LRRFIP1: variants seen among roughly 807,000 people sequenced by gnomAD.
LRRFIP1 encodes the protein LRR binding FLII interacting protein 1.
A neutral mutation model predicts 104.4 loss-of-function variants in LRRFIP1; 62 were observed. The ratio of observed to expected loss-of-function variants is 0.59; its 90% CI spans 0.48 to 0.73. The LOEUF is 0.73. LRRFIP1 is among the 30% of genes least tolerant of loss of function. LRRFIP1 has a pLI of 0.00. For synonymous variants in LRRFIP1, 300 were observed against 299.0 expected, an observed-to-expected ratio of 1.00 and a Z score of -0.03; for missense variants, 796 against 824.5, an observed-to-expected ratio of 0.97 and a Z score of 0.42.
chr2:237,753,187 C>A (rs2058842503), intron 14 of LRRFIP1, 122 bp from the exon 15 acceptor site: 1 of 637,924 alleles, frequency 1.6e-6, no homozygotes, highest in Non-Finnish European at 2.5e-6. Flanking sequence ...TCTTCTGATC[C>A]ATTTGCTCTA....
rs2094514228 is a variant in LRRFIP1, at chr2:237,720,895, TTCTGATTTCTTCTTCATTATCCCCGTGG to T, written c.345+80_345+107del. 1.1e-5 allele frequency: 14 copies of T among 1,287,076 alleles called. 1 individual carries two copies. The South Asian group carries it at 1.7e-4, about 15-fold the overall frequency. 79.7% of individuals were successfully genotyped at this position (1,287,076 alleles called of 1,614,324 possible). A position where few individuals can be genotyped will look rare whatever the true frequency, so the allele number is the denominator to read the frequency against. The stretch of plus-strand genomic sequence containing the variant: ...AGCCCTTTACTTTCTCATCCCCGCA[TTCTGATTTCTTCTTCATTATCCCCGTGG>T]TCTGATAGTCAATATTTAACCGATG... On this transcript the variant is annotated intron_variant, in intron 6 of 23. Transcript: ENST00000308482.
chr2:237,769,780 C>T (rs2060466069), intron 19 of LRRFIP1, 163 bp from the exon 20 acceptor site: 7 of 621,426 alleles, frequency 1.1e-5, no homozygotes, highest in East Asian at 2.8e-5. Flanking sequence ...TGGCTGTGGC[C>T]TCATTCACCC....
intron 23 of LRRFIP1, among the ~76,000 whole-genome samples, chr2:237,775,424 C>T (rs1006292113): frequency 3.3e-5 from 5 of 152,178 alleles, no homozygotes; most frequent in Non-Finnish European, 7.3e-5. Flanking sequence ...CACCTCAGCC[C>T]GTGAGGCAGG....
At chr2:237,750,066 G>C (rs932249153) in intron 13 of LRRFIP1, among the ~76,000 whole-genome samples, 5 of 152,118 alleles carry the variant, frequency 3.3e-5, no homozygotes, top group African/African-American at 7.2e-5. Context: ...GAATTTTCTA[G>C]TGCTTTAAAC....
chr2:237,768,206 C>CT (rs1470815733), intron 19 of LRRFIP1: 1 of 152,170 alleles, frequency 6.6e-6, no homozygotes, highest in Non-Finnish European at 1.5e-5. Context: ...TCTTCAAACT[C>CT]TTTCGTTCTT....
rs1289218730 is a variant in LRRFIP1 at position 237,749,181 on chromosome 2, A to G, written c.670-18A>G. The G allele has an allele frequency of 6.2e-7, 1 of 1,610,546 alleles. No homozygotes were observed. The highest frequency in any genetic ancestry group is 1.3e-5 in the African/African-American group (1 of 74,688). On this transcript the variant is annotated intron_variant, in intron 12 of 23. Transcript: ENST00000308482. ...CAGAGCTAAACCATATCAGCATGTG[A>G]TCCTCTCAACGTTCCAGGGGTCTCG...
intron 13 of LRRFIP1, among the ~76,000 whole-genome samples, chr2:237,750,326 C>CTT (rs928510240): frequency 4.9e-3 from 295 of 60,624 alleles, no homozygotes; most frequent in Middle Eastern, 0.01. Context: ...TTCTTTCTTT[C>CTT]TTTTTTTTTT....
intron 6 of LRRFIP1, chr2:237,722,164 CT>C (rs1045077892): frequency 6.6e-6 from 1 of 152,052 alleles, no homozygotes; most frequent in Non-Finnish European, 1.5e-5. Context: ...ATGTCAGTCA[CT>C]TTGGCAGGAG....
intron 15 of LRRFIP1, among the ~76,000 whole-genome samples, chr2:237,753,809 A>G (rs1201301385): frequency 8.5e-5 from 11 of 128,710 alleles, no homozygotes; most frequent in African/African-American, 2.0e-4. Context: ...AAAAAAAAAA[A>G]GGGAATGGTA....
chr2:237,696,784 T>C (rs2093214903), intron 1 of LRRFIP1, among the ~76,000 whole-genome samples: 1 of 152,246 alleles, frequency 6.6e-6, no homozygotes. Flanking sequence ...GTGCAAGATA[T>C]AGCTGTGGCT....
At chr2:237,635,030 C>T (rs980987730) in intron 1 of LRRFIP1, among the ~76,000 whole-genome samples, 3 of 152,102 alleles carry the variant, frequency 2.0e-5, no homozygotes, top group African/African-American at 4.8e-5. Flanking sequence ...TTTCTTTTAC[C>T]CCCTTTTTAT....
At chr2:237,676,445 T>C (rs2091176893) in intron 1 of LRRFIP1, among the ~76,000 whole-genome samples, 1 of 152,182 alleles carries the variant, frequency 6.6e-6, no homozygotes, top group African/African-American at 2.4e-5. Flanking sequence ...AGCTTTCCAT[T>C]TTCATGAATT....
intron 1 of LRRFIP1, among the ~76,000 whole-genome samples, chr2:237,689,944 C>T (rs568000250): frequency 5.1e-4 from 77 of 152,324 alleles, no homozygotes; most frequent in Non-Finnish European, 9.0e-4. Flanking sequence ...TCATTATCAC[C>T]GGCATGTTTT....
intron 14 of LRRFIP1, 49 bp from the exon 15 acceptor site, chr2:237,753,254 TTCTTTG>T (rs2058853977): frequency 4.3e-6 from 6 of 1,385,656 alleles, no homozygotes; most frequent in Non-Finnish European, 4.9e-6. Flanking sequence ...TACTGAATGA[TTCTTTG>T]TTTTGATTTT....
intron 1 of LRRFIP1, among the ~76,000 whole-genome samples, chr2:237,640,443 T>C (rs1045064285): frequency 1.3e-5 from 2 of 152,034 alleles, no homozygotes; most frequent in African/African-American, 4.8e-5. Context: ...TTCAGATTAC[T>C]CAAAATCCAG....
intron 1 of LRRFIP1, among the ~76,000 whole-genome samples, chr2:237,669,532 A>T (rs1014431990): frequency 9.9e-5 from 15 of 151,902 alleles, no homozygotes; most frequent in Non-Finnish European, 1.9e-4. Context: ...TGTTGCAAAT[A>T]TTTTTTTTCA....
chr2:237,752,142 C>T (rs1346911092), intron 14 of LRRFIP1, among the ~76,000 whole-genome samples: 2 of 152,218 alleles, frequency 1.3e-5, no homozygotes, highest in Non-Finnish European at 2.9e-5. Flanking sequence ...CGTGGTGGCT[C>T]ACGCCTGTAA....
rs112950297 is a variant in LRRFIP1 at position 237,649,652 on chromosome 2, A to G, written c.96+21912A>G. Reference sequence around the variant, plus strand: ...AGGTGACTTTTCCCGGTTGCTGTCCATGCAGACTGTGAGGGATGTTCACAT... The same window carrying G: ...AGGTGACTTTTCCCGGTTGCTGTCCGTGCAGACTGTGAGGGATGTTCACAT... On this transcript the variant is annotated intron_variant, in intron 1 of 23. Transcript: ENST00000308482. The surrounding 1 kb of genome is among the most constrained non-coding windows in gnomAD (Gnocchi z 4.1). Among the ~76,000 whole-genome samples, 92 of 152,072 alleles carry G rather than the reference A, an allele frequency of 6.0e-4. No individual in the cohort carries two copies. Among genetic ancestry groups the G allele is most frequent in the African/African-American group, 1.9e-3 (81 of 41,552 alleles).
intron 7 of LRRFIP1, among the ~76,000 whole-genome samples, chr2:237,727,582 A>G (rs1419910102): frequency 6.6e-6 from 1 of 152,208 alleles, no homozygotes. Context: ...CACCAAGCCC[A>G]AATGTTCCAC....
Sources: gnomAD v4.1 joint callset for allele counts (sites outside exome capture counted in the v4.1 genomes callset) on GRCh38, gnomAD v4.1.1 for gene constraint, Gnocchi (gnomAD v3.1) non-coding constraint, MANE v1.5 for transcripts, NCBI Gene and HGNC (gene_info 2026-07-23, HGNC 2026-07-21) for gene names.